The following TBL1X variants were observed in gnomAD, a reference collection of about 807,000 sequenced individuals.
The protein encoded by TBL1X is F-box-like/WD repeat-containing protein TBL1X.
A neutral mutation model predicts 50.7 loss-of-function variants in TBL1X; 10 were observed. The observed-to-expected ratio is 0.20, with a 90% confidence interval of 0.12 to 0.33. The LOEUF is 0.33. Ranked by LOEUF, TBL1X falls within the 10% of genes least tolerant of loss-of-function variation. The pLI, the probability that TBL1X is intolerant of heterozygous loss-of-function variation, is 1.00. For synonymous variants in TBL1X, 190 were observed against 214.7 expected (o/e 0.88, Z 1.01); for missense variants, 340 against 504.4 (o/e 0.67, Z 3.12).
intron 1 of TBL1X, among the ~76,000 whole-genome samples, chrX:9,497,205 T>C (rs2081975275): frequency 9.1e-6 from 1 of 110,096 alleles, no homozygotes; most frequent in Non-Finnish European, 1.9e-5. Flanking sequence ...GCCCAGGGGT[T>C]TGAGACCAGC....
intron 2 of TBL1X, among the ~76,000 whole-genome samples, chrX:9,608,193 G>A (rs894804058): frequency 9.0e-6 from 1 of 110,672 alleles, no homozygotes; most frequent in Admixed American, 9.6e-5. Flanking sequence ...GAGGTGAAGC[G>A]CCCTTCTCAC....
chrX:9,656,344 G>A (rs1023791235), intron 5 of TBL1X, among the ~76,000 whole-genome samples: 1 of 112,807 alleles, frequency 8.9e-6, no homozygotes, highest in Non-Finnish European at 1.9e-5. Context: ...CAGCTCTTGT[G>A]TAAACAAGTC....
At chrX:9,564,783 G>A (rs1180174544) in intron 2 of TBL1X, among the ~76,000 whole-genome samples, 1 of 109,488 alleles carries the variant, frequency 9.1e-6, no homozygotes, top group Non-Finnish European at 1.9e-5. Flanking sequence ...TGTATTGGTC[G>A]AAGGTGGGAG....
chrX:9,719,652 AC>A lies in TBL1X; in HGVS notation c.*3408del, dbSNP rs750507571. 29 of 110,392 alleles carry A rather than the reference AC, an allele frequency of 2.6e-4. No homozygotes were observed. The highest frequency in any genetic ancestry group is 5.3e-4 in the Non-Finnish European group (28 of 52,758). The allele number at this position is 110,392 out of a possible 1,213,427, so 9.1% of individuals were successfully genotyped here. A position where few individuals can be genotyped will look rare whatever the true frequency, so the allele number is the denominator to read the frequency against. On this transcript the variant is annotated 3_prime_UTR_variant, in exon 18 of 18. Coordinates refer to ENST00000645353, the MANE Select transcript of TBL1X (RefSeq NM_005647.4). Reference sequence around the variant, plus strand: ...CTCTTTGAAGAAAAAAAAAAAAATCACCTTGTGTGTTGTAGCTCATTTGTTT... The same window carrying A: ...CTCTTTGAAGAAAAAAAAAAAAATCACTTGTGTGTTGTAGCTCATTTGTTT...
At chrX:9,539,023 G>A (rs894814342) in intron 2 of TBL1X, among the ~76,000 whole-genome samples, 6 of 112,322 alleles carry the variant, frequency 5.3e-5, no homozygotes, top group Admixed American at 2.8e-4. Flanking sequence ...GGTGAGTTAG[G>A]GTTACTCTGA....
chrX:9,517,351 C>G (rs2082085587), intron 2 of TBL1X, among the ~76,000 whole-genome samples: 1 of 111,173 alleles, frequency 9.0e-6, no homozygotes. Context: ...CCCAAACAGA[C>G]ACCAAACCCC....
intron 5 of TBL1X, among the ~76,000 whole-genome samples, chrX:9,655,470 T>G (rs746377135): frequency 8.9e-6 from 1 of 111,928 alleles, no homozygotes; most frequent in Non-Finnish European, 1.9e-5. Context: ...ACTATTGTTT[T>G]TGAATACAGC....
At position 9,616,001 on chromosome X, in the gene TBL1X, G is replaced by A. The variant is rs111480474; in HGVS notation, c.-130-24272G>A. On this transcript the variant is annotated intron_variant, in intron 2 of 17. Coordinates refer to ENST00000645353, the MANE Select transcript of TBL1X (RefSeq NM_005647.4). ...AGTATTTATTGAACATTTACTATGTGAAACACAGGGAAGACAGCCATGAAC... is the reference window on the plus strand; with the variant it reads ...AGTATTTATTGAACATTTACTATGTAAAACACAGGGAAGACAGCCATGAAC... Among the ~76,000 whole-genome samples the A allele has an allele frequency of 4.0e-3, 447 of 112,137 alleles. 2 individuals are homozygous for A. The highest frequency in any genetic ancestry group is 0.014 in the African/African-American group (420 of 30,889).
At chrX:9,699,342 G>C (rs1473072320) in intron 12 of TBL1X, among the ~76,000 whole-genome samples, 1 of 111,921 alleles carries the variant, frequency 8.9e-6, no homozygotes, top group Non-Finnish European at 1.9e-5. Flanking sequence ...CACCCGCAGA[G>C]CTAATAGACT....
intron 2 of TBL1X, among the ~76,000 whole-genome samples, chrX:9,607,225 C>G (rs184240190): frequency 8.9e-6 from 1 of 112,732 alleles, no homozygotes; most frequent in Non-Finnish European, 1.9e-5. Context: ...GGATTTGAGG[C>G]CTGTGAGGTT....
At chrX:9,477,423 C>T (rs1436299215) in intron 1 of TBL1X, among the ~76,000 whole-genome samples, 1 of 112,213 alleles carries the variant, frequency 8.9e-6, no homozygotes, top group Non-Finnish European at 1.9e-5. Context: ...GAAATTCTTT[C>T]TGTCCACACC....
At chrX:9,591,347 C>T (rs1043451437) in intron 2 of TBL1X, among the ~76,000 whole-genome samples, 2 of 112,167 alleles carry the variant, frequency 1.8e-5, no homozygotes, top group African/African-American at 6.5e-5. Flanking sequence ...TTCACTTGCA[C>T]AGCCTCCTGT....
chrX:9,584,335 G>A (rs2082457482), intron 2 of TBL1X, among the ~76,000 whole-genome samples: 1 of 112,415 alleles, frequency 8.9e-6, no homozygotes, highest in Non-Finnish European at 1.9e-5. Flanking sequence ...TATAATAAAG[G>A]CATAGAATCT....
intron 2 of TBL1X, among the ~76,000 whole-genome samples, chrX:9,626,037 C>T (rs1337796563): frequency 1.8e-5 from 2 of 112,018 alleles, no homozygotes; most frequent in Admixed American, 9.4e-5. Flanking sequence ...ATTCCAATCT[C>T]CCTGGCAATG....
intron 2 of TBL1X, among the ~76,000 whole-genome samples, chrX:9,634,743 T>TA (rs764675303): frequency 3.6e-5 from 4 of 111,556 alleles, no homozygotes; most frequent in Non-Finnish European, 5.6e-5. Flanking sequence ...AAACATCTAC[T>TA]AAACAGCCTG....
intron 2 of TBL1X, among the ~76,000 whole-genome samples, chrX:9,536,762 T>C (rs903794614): frequency 1.8e-5 from 2 of 111,590 alleles, no homozygotes; most frequent in Admixed American, 1.9e-4. Context: ...CTGGCCACTG[T>C]TGTGCCTTTA....
chrX:9,697,728 G>A (rs774008204), intron 12 of TBL1X, among the ~76,000 whole-genome samples: 2 of 111,512 alleles, frequency 1.8e-5, no homozygotes, highest in Admixed American at 9.5e-5. Context: ...CCAAGATTGC[G>A]CTACTGCACT....
intron 2 of TBL1X, among the ~76,000 whole-genome samples, chrX:9,503,737 C>T (rs1431476009): frequency 8.9e-6 from 1 of 112,663 alleles, no homozygotes; most frequent in African/African-American, 3.2e-5. Context: ...GGGGCGCTTC[C>T]CTGCTGGATC....
chrX:9,571,704 A>G (rs1417885215), intron 2 of TBL1X, among the ~76,000 whole-genome samples: 3 of 111,914 alleles, frequency 2.7e-5, no homozygotes, highest in Admixed American at 9.4e-5. Flanking sequence ...TCCAAGCTGA[A>G]ACTCTGTCCT....
Sources: gnomAD v4.1 joint callset for allele counts (sites outside exome capture counted in the v4.1 genomes callset) on GRCh38, gnomAD v4.1.1 for gene constraint, MANE v1.5 for transcripts, NCBI Gene and HGNC (gene_info 2026-07-23, HGNC 2026-07-21) for gene names.